The following SH3RF3 variants were observed in gnomAD, a reference collection of about 807,000 sequenced individuals.
SH3RF3 encodes E3 ubiquitin-protein ligase SH3RF3.
SH3RF3 carries 29 observed loss-of-function variants against 66.3 expected under a neutral mutation model. The observed-to-expected ratio is 0.44, with a 90% CI of 0.33 to 0.60. SH3RF3 has a LOEUF of 0.60. Among genes scored for constraint, SH3RF3 ranks in the 20% least tolerant of loss-of-function variants. The pLI, the probability that SH3RF3 is intolerant of heterozygous loss-of-function variation, is 0.04. For synonymous variants in SH3RF3, 583 were observed against 532.0 expected (o/e 1.10, Z -1.32); for missense variants, 1,194 against 1,190.9 (o/e 1.00, Z -0.04).
intron 1 of SH3RF3, among the ~76,000 whole-genome samples, chr2:109,131,041 C>T (rs1676681554): frequency 6.6e-6 from 1 of 152,134 alleles, no homozygotes; most frequent in African/African-American, 2.4e-5. Flanking sequence ...TTGGAATAAT[C>T]ATTTGCTTTA....
chr2:109,195,894 C>G (rs535311053), intron 1 of SH3RF3, among the ~76,000 whole-genome samples: 3 of 152,334 alleles, frequency 2.0e-5, no homozygotes, highest in Admixed American at 6.5e-5. Flanking sequence ...TCCCTTCCAC[C>G]TCTCAGGGTT....
chr2:109,346,137 C>T (rs759407374), intron 1 of SH3RF3, among the ~76,000 whole-genome samples: 8 of 152,172 alleles, frequency 5.3e-5, no homozygotes, highest in Non-Finnish European at 1.0e-4. Flanking sequence ...CTATTGTGCT[C>T]GCACTACAAA....
At chr2:109,366,522 G>A (rs1324794187) in intron 2 of SH3RF3, among the ~76,000 whole-genome samples, 1 of 152,210 alleles carries the variant, frequency 6.6e-6, no homozygotes, top group Non-Finnish European at 1.5e-5. Flanking sequence ...ACATACTTGA[G>A]GAGAATATCT....
intron 1 of SH3RF3, among the ~76,000 whole-genome samples, chr2:109,279,663 T>C (rs1022597939): frequency 2.6e-5 from 4 of 152,248 alleles, no homozygotes; most frequent in African/African-American, 9.6e-5. Context: ...CTGTTTCCTT[T>C]TGGAATTCTG....
At chr2:109,152,829 C>T (rs1449944976) in intron 1 of SH3RF3, among the ~76,000 whole-genome samples, 1 of 152,186 alleles carries the variant, frequency 6.6e-6, no homozygotes, top group East Asian at 1.9e-4. Context: ...CATGGGCCCT[C>T]TCACAGTGAA....
chr2:109,362,215 T>C (rs11679309), intron 2 of SH3RF3, among the ~76,000 whole-genome samples: 42,635 of 152,188 alleles, frequency 0.28, 6,909 homozygotes, highest in Non-Finnish European at 0.37. Flanking sequence ...TAAATTTCCC[T>C]GTAGGTGCTA....
chr2:109,309,738 C>T (rs1267713081), intron 1 of SH3RF3, among the ~76,000 whole-genome samples: 3 of 126,836 alleles, frequency 2.4e-5, no homozygotes, highest in Admixed American at 7.7e-5. Flanking sequence ...TCAAAAGAGA[C>T]AAAGAAGGCC....
intron 4 of SH3RF3, among the ~76,000 whole-genome samples, chr2:109,416,217 C>T (rs1199770325): frequency 6.6e-6 from 1 of 152,168 alleles, no homozygotes; most frequent in African/African-American, 2.4e-5. Flanking sequence ...TTTCGAAGCC[C>T]TCCCAGCCAC....
chr2:109,467,866 C>G (rs115082446), intron 8 of SH3RF3, among the ~76,000 whole-genome samples: 1,929 of 152,282 alleles, frequency 0.013, 44 homozygotes, highest in African/African-American at 0.044. Context: ...CGCCGTCATT[C>G]ACATCCCTCA....
chr2:109,281,850 C>A (rs564275380), intron 1 of SH3RF3, among the ~76,000 whole-genome samples: 1 of 152,238 alleles, frequency 6.6e-6, no homozygotes, highest in South Asian at 2.1e-4. Context: ...AGCACACAGA[C>A]CCCCAGCGGG....
At chr2:109,489,760 C>G (rs951043755) in intron 8 of SH3RF3, among the ~76,000 whole-genome samples, 1 of 151,026 alleles carries the variant, frequency 6.6e-6, no homozygotes, top group East Asian at 2.0e-4. Flanking sequence ...GCGGGGGGGA[C>G]GGAGTCTCGC....
At chr2:109,240,260 G>A (rs988140820) in intron 1 of SH3RF3, among the ~76,000 whole-genome samples, 4 of 152,164 alleles carry the variant, frequency 2.6e-5, no homozygotes. Flanking sequence ...AGCACTTTGG[G>A]AGGCCCAGGA....
chr2:109,470,547 A>G (rs1259689420), intron 8 of SH3RF3, among the ~76,000 whole-genome samples: 1 of 152,220 alleles, frequency 6.6e-6, no homozygotes, highest in Non-Finnish European at 1.5e-5. Context: ...ACTTTGGGAC[A>G]AGCCCTGGCT....
intron 4 of SH3RF3, among the ~76,000 whole-genome samples, 189 bp downstream of exon 4, chr2:109,399,132 G>A (rs1375859494): frequency 6.6e-6 from 1 of 152,096 alleles, no homozygotes; most frequent in Non-Finnish European, 1.5e-5. Flanking sequence ...AATGGTGAGT[G>A]TGCCCTCCCT....
intron 1 of SH3RF3, among the ~76,000 whole-genome samples, chr2:109,188,333 G>T (rs1352854550): frequency 1.3e-5 from 2 of 152,204 alleles, no homozygotes; most frequent in Non-Finnish European, 2.9e-5. Context: ...CCTGGAGCGT[G>T]GTCTCTTGGT....
intron 1 of SH3RF3, among the ~76,000 whole-genome samples, chr2:109,199,839 G>C (rs1340904646): frequency 1.4e-4 from 8 of 58,418 alleles, no homozygotes; most frequent in African/African-American, 1.9e-4. Flanking sequence ...GAATGGAATG[G>C]AATGGAATGG....
At chr2:109,214,413 C>A (rs1411288907) in intron 1 of SH3RF3, among the ~76,000 whole-genome samples, 1 of 149,934 alleles carries the variant, frequency 6.7e-6, no homozygotes, top group Non-Finnish European at 1.5e-5. Context: ...AACAAACCTG[C>A]ACACTGTGTA....
intron 8 of SH3RF3, among the ~76,000 whole-genome samples, chr2:109,473,147 T>A (rs1002357801): frequency 3.9e-5 from 6 of 152,210 alleles, no homozygotes; most frequent in African/African-American, 7.2e-5. Flanking sequence ...TTAACTCAAG[T>A]TAACTCTTGC....
At chr2:109,172,362 A>G (rs923798183) in intron 1 of SH3RF3, among the ~76,000 whole-genome samples, 3 of 152,202 alleles carry the variant, frequency 2.0e-5, no homozygotes, top group African/African-American at 7.2e-5. Context: ...CCTCTTCACC[A>G]TGCACGGAGC....
Sources: gnomAD v4.1 joint callset for allele counts (sites outside exome capture counted in the v4.1 genomes callset) on GRCh38, gnomAD v4.1.1 for gene constraint, MANE v1.5 for transcripts, NCBI Gene and HGNC (gene_info 2026-07-23, HGNC 2026-07-21) for gene names.